Variants in LTBP1 observed in about 807,000 individuals in gnomAD.
LTBP1 encodes latent-transforming growth factor beta-binding protein 1.
LTBP1 carries 129 observed loss-of-function variants against 207.6 expected under a neutral mutation model. That is an observed-to-expected ratio of 0.62 (90% CI 0.54 to 0.72). The LOEUF is 0.72. LTBP1 is among the 30% of genes least tolerant of loss of function. The probability of loss-of-function intolerance (pLI) is 0.00; values close to 1 mark genes in which losing one functional copy is unlikely to be tolerated. For missense variants in LTBP1, 2,281 were observed against 2,217.2 expected, an observed-to-expected ratio of 1.03 and a Z score of -0.58; for synonymous variants, 963 against 833.7, an observed-to-expected ratio of 1.16 and a Z score of -2.67.
intron 4 of LTBP1, among the ~76,000 whole-genome samples, chr2:33,114,661 A>G (rs534476199): frequency 6.6e-6 from 1 of 152,294 alleles, no homozygotes; most frequent in African/African-American, 2.4e-5. Context: ...CTTGTGTTAG[A>G]TAAGTCTAGT....
rs1360064448 is a variant in LTBP1 at position 33,173,955 on chromosome 2, A to G, written c.1202-12901A>G. ...AAAAGACCTTTGACAAAATTCAACA[A>G]CGCTTCATGCTAAAAACTCTCAATA... is the stretch of plus-strand genomic sequence containing the variant. On this transcript the variant is annotated intron_variant, in intron 5 of 33. Coordinates refer to ENST00000404816, the MANE Select transcript of LTBP1 (RefSeq NM_206943.4). Among the ~76,000 whole-genome samples, 10 of 138,926 alleles carry G rather than the reference A, an allele frequency of 7.2e-5. 1 individual carries two copies. Among genetic ancestry groups the G allele is most frequent in the South Asian group, 6.8e-4 (3 of 4,384 alleles). 91.1% of individuals were successfully genotyped at this position (138,926 alleles called of 152,430 possible).
intron 18 of LTBP1, among the ~76,000 whole-genome samples, chr2:33,276,472 A>AAGTATTTAT (rs2093428638): frequency 1.3e-5 from 2 of 152,358 alleles, no homozygotes; most frequent in South Asian, 4.1e-4. Flanking sequence ...ATGTTATAAA[A>AAGTATTTAT]AGTATTTATA....
chr2:33,088,699 A>G (rs2078899739), intron 3 of LTBP1, among the ~76,000 whole-genome samples: 1 of 152,212 alleles, frequency 6.6e-6, no homozygotes, highest in African/African-American at 2.4e-5. Context: ...ATTAATGAAC[A>G]GGTACATAAA....
intron 2 of LTBP1, among the ~76,000 whole-genome samples, chr2:33,014,812 G>T (rs1688146291): frequency 6.6e-6 from 1 of 152,186 alleles, no homozygotes; most frequent in African/African-American, 2.4e-5. Flanking sequence ...TTGGCGCACA[G>T]ATTGAGAATT....
At chr2:33,389,443 G>T in intron 32 of LTBP1, 137 bp downstream of exon 32, 2 of 1,193,200 alleles carry the variant, frequency 1.7e-6, no homozygotes, top group Admixed American at 2.2e-5. Context: ...GAAAGTCTAG[G>T]GTGGGACCCA....
intron 31 of LTBP1, among the ~76,000 whole-genome samples, chr2:33,380,998 G>A (rs1263618361): frequency 3.3e-5 from 5 of 152,260 alleles, no homozygotes; most frequent in Middle Eastern, 6.8e-3. Context: ...GAAATGAAGT[G>A]GTTTACCTGT....
intron 26 of LTBP1, among the ~76,000 whole-genome samples, chr2:33,350,985 T>A (rs1476524866): frequency 2.6e-5 from 4 of 151,970 alleles, no homozygotes; most frequent in African/African-American, 7.3e-5. Context: ...CAATGAAAAA[T>A]ATATATATAT....
chr2:33,183,712 C>T (rs924121151), intron 5 of LTBP1, among the ~76,000 whole-genome samples: 1 of 152,196 alleles, frequency 6.6e-6, no homozygotes, highest in East Asian at 1.9e-4. Flanking sequence ...TTACCCATTA[C>T]ACACTGAGCC....
chr2:33,326,417 T>C lies in LTBP1; in HGVS notation c.3730+11148T>C, dbSNP rs528601478. 1.6e-4 allele frequency among the ~76,000 whole-genome samples: 24 copies of C among 152,270 alleles called. 1 individual carries two copies. The South Asian group carries it at 4.8e-3, about 30-fold the overall frequency. ...AGGAAAACTGTTTGAAACAAACCACTTTCCCCATTTTCCTGGTCATTCACT... is the reference window on the plus strand; with the variant it reads ...AGGAAAACTGTTTGAAACAAACCACCTTCCCCATTTTCCTGGTCATTCACT... On this transcript the variant is annotated intron_variant, in intron 24 of 33. Coordinates refer to ENST00000404816, the MANE Select transcript of LTBP1 (RefSeq NM_206943.4).
intron 9 of LTBP1, among the ~76,000 whole-genome samples, chr2:33,238,562 C>T (rs933316061): frequency 6.6e-6 from 1 of 152,110 alleles, no homozygotes. Flanking sequence ...TAGTTCAGCC[C>T]CTCTGTGTTA....
At chr2:33,065,409 C>A (rs377065196) in intron 3 of LTBP1, among the ~76,000 whole-genome samples, 1 of 152,000 alleles carries the variant, frequency 6.6e-6, no homozygotes, top group East Asian at 1.9e-4. Context: ...AAAATATTAG[C>A]TGGGTGTGGT....
chr2:33,269,362 G>T (rs2148249479), intron 15 of LTBP1, among the ~76,000 whole-genome samples: 1 of 152,252 alleles, frequency 6.6e-6, no homozygotes, highest in South Asian at 2.1e-4. Flanking sequence ...AAAAGAAATA[G>T]AATAAGGTCC....
intron 23 of LTBP1, among the ~76,000 whole-genome samples, chr2:33,313,680 G>T (rs1029763415): frequency 2.0e-5 from 3 of 152,164 alleles, no homozygotes; most frequent in African/African-American, 7.2e-5. Context: ...TCATTTTTAT[G>T]ACCCCCAATT....
At chr2:33,265,566 A>T (rs949298062) in intron 15 of LTBP1, among the ~76,000 whole-genome samples, 2 of 152,214 alleles carry the variant, frequency 1.3e-5, no homozygotes, top group African/African-American at 4.8e-5. Context: ...GGAAGTAGTC[A>T]TACAATATTG....
At chr2:33,152,327 A>G (rs556128730) in intron 5 of LTBP1, among the ~76,000 whole-genome samples, 1 of 152,302 alleles carries the variant, frequency 6.6e-6, no homozygotes, top group Admixed American at 6.5e-5. Flanking sequence ...ACTCAGCATC[A>G]CTAATGATCA....
At chr2:33,091,886 A>G (rs756585068) in intron 3 of LTBP1, among the ~76,000 whole-genome samples, 1 of 152,012 alleles carries the variant, frequency 6.6e-6, no homozygotes, top group Non-Finnish European at 1.5e-5. Flanking sequence ...GTGAATTTTC[A>G]TTCTGATGTT....
intron 11 of LTBP1, among the ~76,000 whole-genome samples, chr2:33,256,767 T>C (rs577075683): frequency 1.8e-5 from 1 of 57,082 alleles, no homozygotes; most frequent in Non-Finnish European, 3.6e-5. Context: ...TATATATATA[T>C]ATATATATAT....
At chr2:33,190,692 T>TA (rs1355948307) in intron 7 of LTBP1, among the ~76,000 whole-genome samples, 1 of 152,156 alleles carries the variant, frequency 6.6e-6, no homozygotes, top group African/African-American at 2.4e-5. Flanking sequence ...ACGATGCAAA[T>TA]ATTAGCTTAG....
At chr2:33,277,815 T>TCTTTC (rs1558933866) in intron 18 of LTBP1, among the ~76,000 whole-genome samples, 11 of 86,072 alleles carry the variant, frequency 1.3e-4, no homozygotes, top group African/African-American at 4.4e-4. Flanking sequence ...CTTTCTTTTT[T>TCTTTC]TCTTTCTTTC....
Sources: allele counts gnomAD v4.1 joint callset (sites outside exome capture counted in the v4.1 genomes callset), GRCh38; gene constraint gnomAD v4.1.1; transcripts MANE v1.5; gene names NCBI Gene and HGNC (gene_info 2026-07-23, HGNC 2026-07-21).